TMC8: variants seen among roughly 807,000 people sequenced by gnomAD.
TMC8 encodes transmembrane channel-like protein 8.
Under a neutral mutation model 76.0 loss-of-function variants are expected in TMC8, and 71 were observed. The ratio of observed to expected loss-of-function variants is 0.93; its 90% CI spans 0.77 to 1.14. TMC8 has a LOEUF of 1.14. TMC8 is among the 50% of genes most tolerant of loss of function. The probability of loss-of-function intolerance (pLI) is 0.00; values close to 1 mark genes in which losing one functional copy is unlikely to be tolerated. For synonymous variants in TMC8, 433 were observed against 433.8 expected (o/e 1.00, Z 0.02); for missense variants, 924 against 947.9 (o/e 0.97, Z 0.33).
At chr17:78,134,599 G>C (rs747493947) in intron 8 of TMC8, 35 bp downstream of exon 8, 1 of 1,612,098 alleles carries the variant, frequency 6.2e-7, no homozygotes, top group Non-Finnish European at 8.5e-7. Context: ...ATCCTGGCCA[G>C]AACTGCGGGG....
chr17:78,139,653 G>A (rs577348771), intron 15 of TMC8, among the ~76,000 whole-genome samples: 25 of 151,672 alleles, frequency 1.6e-4, no homozygotes, highest in African/African-American at 5.8e-4. Context: ...ACTTTCAGAG[G>A]CCGAGGTGGG....
At position 78,139,122 on chromosome 17, in the gene TMC8, C is replaced by T. The variant is rs760828096; in HGVS notation, c.1824-40C>T. 9 of 1,611,240 alleles carry T rather than the reference C, an allele frequency of 5.6e-6. No homozygotes were observed. The Admixed American group carries it at 1.0e-4, about 18-fold the overall frequency. On this transcript the variant is annotated intron_variant, in intron 14 of 15. Transcript: ENST00000318430. Reference sequence around the variant, plus strand: ...GGAAGTCAGGGAGAGGCGCCTGTGGCCCCAGGGGCAACTGACCACGAATCC... The same window carrying T: ...GGAAGTCAGGGAGAGGCGCCTGTGGTCCCAGGGGCAACTGACCACGAATCC...
chr17:78,139,711 G>A (rs1396379175), intron 15 of TMC8, among the ~76,000 whole-genome samples: 4 of 125,740 alleles, frequency 3.2e-5, no homozygotes, highest in Non-Finnish European at 6.4e-5. Flanking sequence ...CCAAAATAGC[G>A]AAACCCCGTC....
At chr17:78,139,899 T>C (rs1179983090) in intron 15 of TMC8, among the ~76,000 whole-genome samples, 3 of 151,876 alleles carry the variant, frequency 2.0e-5, no homozygotes, top group Non-Finnish European at 4.4e-5. Flanking sequence ...CTGGGCGTGA[T>C]GGTGGGCGCC....
chr17:78,133,020 G>T, intron 5 of TMC8, 150 bp downstream of exon 5: 1 of 943,116 alleles, frequency 1.1e-6, no homozygotes, highest in Non-Finnish European at 1.7e-6. Context: ...GGCCTGGCCG[G>T]TGGTGGGGTT....
At chr17:78,134,678 C>T in intron 8 of TMC8, 114 bp downstream of exon 8, 2 of 1,531,308 alleles carry the variant, frequency 1.3e-6, no homozygotes, top group East Asian at 2.4e-5. Flanking sequence ...CGGTCGTGGC[C>T]ACAGGTCACG....
At position 78,136,515 on chromosome 17, in the gene TMC8, G is replaced by A. The variant is rs79072815; in HGVS notation, c.1128-720G>A. On this transcript the variant is annotated intron_variant, in intron 9 of 15. Coordinates refer to ENST00000318430, the MANE Select transcript of TMC8 (RefSeq NM_152468.5). The stretch of plus-strand genomic sequence containing the variant: ...GATAACATGCATGTGATGATGTTTC[G>A]TTTAGACAATCACCTATTTGGTCTG... 1,405 of 152,968 alleles carry A rather than the reference G, an allele frequency of 9.2e-3. 15 individuals carry two copies. The highest frequency in any genetic ancestry group is 0.027 in the Middle Eastern group (8 of 294). The allele number at this position is 152,968 out of a possible 1,614,324, so 9.5% of individuals were successfully genotyped here.
Position 78,131,948 on chromosome 17 carries a change from G to C in TMC8, c.216G>C (p.Thr72=). 5.3e-6 allele frequency: 8 copies of C among 1,512,086 alleles called. No individual in the cohort carries two copies. The highest frequency in any genetic ancestry group is 6.2e-6 in the Non-Finnish European group (7 of 1,135,744). 93.7% of individuals were successfully genotyped at this position (1,512,086 alleles called of 1,614,324 possible). Residue 72 remains threonine (T), a synonymous_variant, in exon 3 of 16, where the codon ACG becomes ACC. Coordinates refer to ENST00000318430, the MANE Select transcript of TMC8 (RefSeq NM_152468.5). ...AGCGGTGGCAGCGCCGGCGGCAGAC[G>C]GTGGAAAGGCGCCTGCGGGAGGCAG... is the stretch of plus-strand genomic sequence containing the variant. ...RWQRWQRRRQ[T]VERRLREAAQ...
intron 15 of TMC8, 34 bp from the exon 16 acceptor site, chr17:78,140,800 G>T: frequency 6.3e-7 from 1 of 1,584,278 alleles, no homozygotes; most frequent in Admixed American, 1.8e-5. Context: ...GGGAAGCAGC[G>T]CCTGTCGCAA....
intron 9 of TMC8, among the ~76,000 whole-genome samples, chr17:78,135,780 G>A (rs547049067): frequency 2.6e-5 from 4 of 152,150 alleles, no homozygotes; most frequent in Non-Finnish European, 4.4e-5. Flanking sequence ...TTTTGAGGCC[G>A]GGCATGGTGG....
rs774017939 is a variant in TMC8 at position 78,132,430 on chromosome 17, C to T, written c.370C>T (p.Leu124=). 4.8e-5 allele frequency: 77 copies of T among 1,612,738 alleles called. No individual in the cohort carries two copies. The highest frequency in any genetic ancestry group is 6.3e-5 in the Non-Finnish European group (74 of 1,179,642). ...CCTGCTGCTACTCAACCTGCTGAGC[C>T]TGCTGCTCACCGCAAGCTTCGTGCT... is the stretch of plus-strand genomic sequence containing the variant. ...RFLLLLNLLS[L]LLTASFVLLP... is the part of the protein sequence containing the mutation. The change falls in exon 4 of 16, where the codon CTG becomes TTG. Residue 124 remains leucine (L), a synonymous_variant. Coordinates refer to ENST00000318430, the MANE Select transcript of TMC8 (RefSeq NM_152468.5).
rs780543098 is a variant in TMC8 at position 78,134,577 on chromosome 17, T to C, written c.987+13T>C. On this transcript the variant is annotated intron_variant, in intron 8 of 15. Transcript: ENST00000318430. ...GGACAACAAGGAGGTGTCAGGCAAC[T>C]GCATTCATTTAATCCTGGCCAGAAC... The C allele has an allele frequency of 1.2e-6, 2 of 1,613,972 alleles. No homozygotes were observed. The highest frequency in any genetic ancestry group is 1.7e-6 in the Non-Finnish European group (2 of 1,179,990).
intron 14 of TMC8, 121 bp from the exon 15 acceptor site, chr17:78,139,041 G>A: frequency 6.3e-7 from 1 of 1,581,720 alleles, no homozygotes; most frequent in Non-Finnish European, 8.6e-7. Context: ...AGATACAGCA[G>A]TGTGCAGTGA....
intron 5 of TMC8, 22 bp from the exon 6 acceptor site, chr17:78,133,384 G>A (rs750540167): frequency 2.0e-5 from 32 of 1,613,490 alleles, no homozygotes; most frequent in African/African-American, 1.6e-4. Context: ...CCCGGGCTGG[G>A]TATCTTCGTC....
rs1323411500 is a variant in TMC8, at chr17:78,131,569, C to T, written c.-20C>T. The T allele has an allele frequency of 8.4e-6, 13 of 1,541,610 alleles. No homozygotes were observed. The highest frequency in any genetic ancestry group is 2.0e-5 in the Admixed American group (1 of 50,954). On this transcript the variant is annotated 5_prime_UTR_variant, in exon 2 of 16. Coordinates refer to ENST00000318430, the MANE Select transcript of TMC8 (RefSeq NM_152468.5). ...CCCACCGGCAGCCCGGCGCCCCAGC[C>T]TCTACCCGTGCCCGCCGAGATGCTG...
rs565646781 is a variant in TMC8, at chr17:78,133,307, A to T, written c.532-99A>T. The T allele has an allele frequency of 6.3e-6, 10 of 1,586,890 alleles. No homozygotes were observed. The South Asian group carries it at 9.9e-5, about 16-fold the overall frequency. On this transcript the variant is annotated intron_variant, in intron 5 of 15. Transcript: ENST00000318430. ...TGTAAGACGGGACACTCCCTACCTG[A>T]TGGGGGGATTGCACGGGGGCTAACA...
intron 2 of TMC8, 33 bp downstream of exon 2, chr17:78,131,770 G>C (rs760934609): frequency 1.3e-6 from 2 of 1,563,530 alleles, no homozygotes; most frequent in Non-Finnish European, 1.7e-6. Flanking sequence ...ACGGTGCGTG[G>C]GGGGGGTGCT....
intron 9 of TMC8, chr17:78,137,004 C>T (rs145165327): frequency 2.1e-5 from 11 of 531,540 alleles, no homozygotes; most frequent in Non-Finnish European, 2.7e-5. Flanking sequence ...GAGTGAGACT[C>T]GGTCTTGAAA....
rs1302284180 is a variant in TMC8 at position 78,132,038 on chromosome 17, C to A, written c.298+8C>A. Reference sequence around the variant, plus strand: ...CGCTCTACGAGATCGGGGGTAGGACCCGCGCGACCCGCACCTCCCCTTGCC... The same window carrying A: ...CGCTCTACGAGATCGGGGGTAGGACACGCGCGACCCGCACCTCCCCTTGCC... On this transcript the variant is annotated splice_region_variant and intron_variant, in intron 3 of 15. Coordinates refer to ENST00000318430, the MANE Select transcript of TMC8 (RefSeq NM_152468.5). 6.5e-7 allele frequency: 1 copy of A among 1,534,480 alleles called. No homozygotes were observed. The highest frequency in any genetic ancestry group is 2.4e-5 in the East Asian group (1 of 40,856).
Sources: allele counts gnomAD v4.1 joint callset (sites outside exome capture counted in the v4.1 genomes callset), GRCh38; gene constraint gnomAD v4.1.1; transcripts MANE v1.5; gene names NCBI Gene and HGNC (gene_info 2026-07-23, HGNC 2026-07-21).